Variants in MAD1L1 observed in about 807,000 individuals in gnomAD.
MAD1L1 encodes the protein mitotic spindle assembly checkpoint protein MAD1.
A neutral mutation model predicts 96.9 loss-of-function variants in MAD1L1; 95 were observed. That is an observed-to-expected ratio of 0.98 (90% CI 0.83 to 1.16). MAD1L1 has a LOEUF of 1.16. Ranked by LOEUF, MAD1L1 falls within the 50% of genes most tolerant of loss-of-function variation. The probability of loss-of-function intolerance (pLI) is 0.00; values close to 1 mark genes in which losing one functional copy is unlikely to be tolerated. For synonymous variants in MAD1L1, 473 were observed against 396.6 expected (o/e 1.19, Z -2.29); for missense variants, 1,007 against 954.4 (o/e 1.06, Z -0.73).
Position 2,063,065 on chromosome 7 carries a change from G to A in MAD1L1, c.1218+6129C>T, listed in dbSNP as rs903212597. Among the ~76,000 whole-genome samples the A allele has an allele frequency of 7.2e-5, 11 of 152,356 alleles. No individual in the cohort carries two copies. In the South Asian group the frequency reaches 1.4e-3, roughly 20 times the overall value. ...AAAATGAGGGAAGGGACTGCTCTAC[G>A]TTTAGAGCACGGCTCCGTCTGACAG... On this transcript the variant is annotated intron_variant, in intron 12 of 18. Transcript: ENST00000265854.
At chr7:2,210,480 CCGCA>C (rs1441020566) in intron 10 of MAD1L1, among the ~76,000 whole-genome samples, 3,046 of 126,806 alleles carry the variant, frequency 0.024, 162 homozygotes, top group African/African-American at 0.051. Flanking sequence ...GACCGCCAGC[CCGCA>C]TTCCCGTGGA....
intron 3 of MAD1L1, among the ~76,000 whole-genome samples, chr7:2,225,751 A>G (rs1335992403): frequency 6.6e-6 from 1 of 152,214 alleles, no homozygotes; most frequent in Non-Finnish European, 1.5e-5. Context: ...GCCTGGGAAG[A>G]GGAAGACGTC....
chr7:1,851,039 C>T (rs1369568607), intron 18 of MAD1L1, among the ~76,000 whole-genome samples: 2 of 152,226 alleles, frequency 1.3e-5, no homozygotes, highest in African/African-American at 4.8e-5. Context: ...ACCGTGGCAG[C>T]CCGGCTGGAG....
intron 11 of MAD1L1, among the ~76,000 whole-genome samples, chr7:2,126,769 G>A (rs567014578): frequency 1.3e-3 from 203 of 152,246 alleles, no homozygotes; most frequent in African/African-American, 4.6e-3. Context: ...TACACCTGTC[G>A]TCAACCCTGC....
intron 18 of MAD1L1, among the ~76,000 whole-genome samples, chr7:1,886,755 C>T (rs922866199): frequency 3.9e-5 from 6 of 152,264 alleles, no homozygotes; most frequent in Admixed American, 2.0e-4. Flanking sequence ...TGTGGCCAGG[C>T]ACATGGCACT....
chr7:2,180,726 T>C (rs750634951), intron 10 of MAD1L1, among the ~76,000 whole-genome samples: 11 of 152,198 alleles, frequency 7.2e-5, no homozygotes, highest in African/African-American at 1.2e-4. Context: ...TTAAATATAA[T>C]ATTAAATATT....
chr7:1,979,052 C>T (rs1461182565), intron 15 of MAD1L1, among the ~76,000 whole-genome samples: 1 of 152,218 alleles, frequency 6.6e-6, no homozygotes, highest in African/African-American at 2.4e-5. Flanking sequence ...GCCGGGGCCA[C>T]ACTAAAGGCA....
intron 10 of MAD1L1, among the ~76,000 whole-genome samples, chr7:2,207,211 C>G (rs548196993): frequency 4.8e-4 from 73 of 152,056 alleles, no homozygotes; most frequent in Non-Finnish European, 9.0e-4. Context: ...TTCCAATACA[C>G]GACCACAGTA....
chr7:2,152,740 A>T (rs2128582187), intron 10 of MAD1L1, among the ~76,000 whole-genome samples: 1 of 152,328 alleles, frequency 6.6e-6, no homozygotes, highest in South Asian at 2.1e-4. Flanking sequence ...GCACAGGTAC[A>T]GTGCACTGCT....
At chr7:1,958,186 CAG>C (rs903194614) in intron 15 of MAD1L1, among the ~76,000 whole-genome samples, 8 of 152,172 alleles carry the variant, frequency 5.3e-5, no homozygotes, top group Admixed American at 2.0e-4. Context: ...AAGCTGATGA[CAG>C]GGGACCACAG....
chr7:1,924,512 C>G (rs1256568002), intron 17 of MAD1L1, among the ~76,000 whole-genome samples: 1 of 152,206 alleles, frequency 6.6e-6, no homozygotes, highest in Admixed American at 6.5e-5. Context: ...ACAAGAACCA[C>G]TCTCCCAGAA....
chr7:1,937,730 G>A (rs1300638206), intron 16 of MAD1L1, among the ~76,000 whole-genome samples: 5 of 26,096 alleles, frequency 1.9e-4, no homozygotes, highest in South Asian at 1.6e-3. Flanking sequence ...CTGCGCACCC[G>A]AGACCCCGAC....
At chr7:2,155,415 C>G (rs1789780879) in intron 10 of MAD1L1, among the ~76,000 whole-genome samples, 1 of 152,230 alleles carries the variant, frequency 6.6e-6, no homozygotes, top group Non-Finnish European at 1.5e-5. Context: ...ACACCTATCC[C>G]CAGAACTCTT....
rs762156970 is a variant in MAD1L1 at position 2,225,569 on chromosome 7, A to G, written c.151-19T>C. The G allele has an allele frequency of 1.7e-5, 28 of 1,611,446 alleles. No homozygotes were observed. The Admixed American group carries it at 2.2e-4, about 12-fold the overall frequency. On this transcript the variant is annotated intron_variant, in intron 3 of 18. Transcript: ENST00000265854. ...CCTCCAGCTGAGCAGGTCGCACCCAAAGAAAAACAGAATCCTCAGTGACGG... is the reference window on the plus strand; with the variant it reads ...CCTCCAGCTGAGCAGGTCGCACCCAGAGAAAAACAGAATCCTCAGTGACGG...
chr7:2,154,529 T>C (rs1466305962), intron 10 of MAD1L1, among the ~76,000 whole-genome samples: 1 of 152,220 alleles, frequency 6.6e-6, no homozygotes, highest in Non-Finnish European at 1.5e-5. Flanking sequence ...CTCAAAGTGA[T>C]GGTTACCCCA....
intron 10 of MAD1L1, among the ~76,000 whole-genome samples, chr7:2,172,424 G>A (rs1790749272): frequency 1.3e-5 from 2 of 152,218 alleles, no homozygotes; most frequent in Admixed American, 6.5e-5. Context: ...GGGCCCAGCA[G>A]CAGGAAGTCA....
intron 10 of MAD1L1, among the ~76,000 whole-genome samples, chr7:2,154,453 T>C (rs1196172691): frequency 6.6e-6 from 1 of 152,176 alleles, no homozygotes; most frequent in Non-Finnish European, 1.5e-5. Context: ...GTTAACAGTG[T>C]ATTGTATAAT....
chr7:1,856,468 G>A (rs1476342355), intron 18 of MAD1L1, among the ~76,000 whole-genome samples: 1 of 152,198 alleles, frequency 6.6e-6, no homozygotes, highest in African/African-American at 2.4e-5. Flanking sequence ...GCGGAGCACC[G>A]CCCACCCCCA....
intron 11 of MAD1L1, among the ~76,000 whole-genome samples, chr7:2,144,782 T>C (rs1430957227): frequency 6.6e-6 from 1 of 152,050 alleles, no homozygotes; most frequent in Non-Finnish European, 1.5e-5. Flanking sequence ...CAGTATGCCC[T>C]GTCCTCAGCC....
Sources: allele counts gnomAD v4.1 joint callset (sites outside exome capture counted in the v4.1 genomes callset), GRCh38; gene constraint gnomAD v4.1.1; transcripts MANE v1.5; gene names NCBI Gene and HGNC (gene_info 2026-07-23, HGNC 2026-07-21).